The following NEMF variants were observed in gnomAD, a reference collection of about 807,000 sequenced individuals.
The protein encoded by NEMF is nuclear export mediator factor.
In NEMF, 89 loss-of-function variants were observed where a neutral mutation model predicts 162.2. The observed-to-expected ratio is 0.55, with a 90% CI of 0.46 to 0.65. NEMF has a LOEUF of 0.65. Ranked by LOEUF, NEMF falls within the 30% of genes least tolerant of loss-of-function variation. NEMF has a pLI of 0.00. For synonymous variants in NEMF, 421 were observed against 404.5 expected (o/e 1.04, Z -0.49); for missense variants, 1,133 against 1,261.9 (o/e 0.90, Z 1.55).
chr14:49,849,766 C>A (rs1893682014), intron 3 of NEMF: 1 of 152,136 alleles, frequency 6.6e-6, no homozygotes, highest in Admixed American at 6.6e-5. Context: ...AAATGAAATA[C>A]ATATTATTCA....
In NEMF at chr14:49,782,849, A is replaced by G; in HGVS notation, c.*1787T>C. ...TTTCAGGCTAAGCTTAGAAGCAGTC[A>G]TTTGCTTTAAAGAAATGTTAGCCAA... On this transcript the variant is annotated 3_prime_UTR_variant, in exon 33 of 33. Transcript: ENST00000298310. 6.2e-7 allele frequency: 1 copy of G among 1,613,820 alleles called. No individual in the cohort carries two copies. Among genetic ancestry groups the G allele is most frequent in the South Asian group, 1.1e-5 (1 of 91,042 alleles).
intron 16 of NEMF, among the ~76,000 whole-genome samples, chr14:49,816,458 C>A (rs1051000493): frequency 5.3e-5 from 8 of 152,208 alleles, no homozygotes; most frequent in Non-Finnish European, 1.2e-4. Flanking sequence ...TTGTGACCTA[C>A]TCCCTGTTCT....
chr14:49,804,996 C>T (rs1467074233), intron 19 of NEMF, among the ~76,000 whole-genome samples: 3 of 152,168 alleles, frequency 2.0e-5, no homozygotes, highest in Non-Finnish European at 4.4e-5. Context: ...CACCACTACA[C>T]TCCAGCCTGG....
chr14:49,797,803 C>T (rs1890760215), intron 25 of NEMF, among the ~76,000 whole-genome samples: 1 of 152,124 alleles, frequency 6.6e-6, no homozygotes, highest in African/African-American at 2.4e-5. Flanking sequence ...TAGAGCTAGT[C>T]CTCAAATAAC....
At chr14:49,784,779 A>G in intron 32 of NEMF, 66 bp from the exon 33 acceptor site, 6 of 1,483,474 alleles carry the variant, frequency 4.0e-6, no homozygotes, top group South Asian at 1.2e-5. Flanking sequence ...TTTTATGACA[A>G]AAACGAAAAA....
intron 12 of NEMF, 32 bp from the exon 13 acceptor site, chr14:49,829,294 T>C (rs1566691370): frequency 6.2e-7 from 1 of 1,612,956 alleles, no homozygotes; most frequent in Non-Finnish European, 8.5e-7. Context: ...ATTTACTACA[T>C]TGCCAGTTAA....
intron 25 of NEMF, among the ~76,000 whole-genome samples, chr14:49,796,879 C>A (rs1890717063): frequency 1.3e-5 from 2 of 152,168 alleles, no homozygotes; most frequent in South Asian, 4.1e-4. Flanking sequence ...CAAAGAAGCA[C>A]TCCCCTTTGT....
chr14:49,795,896 C>T lies in NEMF; in HGVS notation c.2514G>A (p.Ala838=), dbSNP rs140184181. Residue 838 remains alanine (A), a synonymous_variant, in exon 26 of 33, where the codon GCG becomes GCA. Transcript: ENST00000298310. ...KLPSDSGDLE[A]LEGKDKEKES... ...CTTTTTCTTTATCCTTTCCCTCTAA[C>T]GCTTCTAAATCTCCTGAGTCACTTG... 28 of 1,612,264 alleles carry T rather than the reference C, an allele frequency of 1.7e-5. No homozygotes were observed. Among genetic ancestry groups the T allele is most frequent in the African/African-American group, 4.0e-5 (3 of 74,800 alleles).
rs996743306 is a variant in NEMF, at chr14:49,782,967, A to G, written c.*1669T>C. ...TCTGGATCTTAAGGCTTCATAAATA[A>G]TGCCTATGATCACCTTGCATGGACA... On this transcript the variant is annotated 3_prime_UTR_variant, in exon 33 of 33. Transcript: ENST00000298310. 1.2e-6 allele frequency: 2 copies of G among 1,609,562 alleles called. No individual in the cohort carries two copies. The highest frequency in any genetic ancestry group is 1.7e-6 in the Non-Finnish European group (2 of 1,178,110).
intron 26 of NEMF, among the ~76,000 whole-genome samples, chr14:49,794,578 C>G (rs186171632): frequency 1.5e-3 from 227 of 147,156 alleles, no homozygotes; most frequent in African/African-American, 5.4e-3. Flanking sequence ...TGTAAATAGC[C>G]ACTACACTCC....
chr14:49,831,383 T>G, intron 10 of NEMF, 22 bp from the exon 11 acceptor site: 1 of 1,490,548 alleles, frequency 6.7e-7, no homozygotes, highest in Non-Finnish European at 9.3e-7. Context: ...AACAAACAAC[T>G]AGTTGGAAAA....
Position 49,829,121 on chromosome 14 carries a change from C to G in NEMF, c.1165G>C (p.Gly389Arg). 1.2e-6 allele frequency: 2 copies of G among 1,614,146 alleles called. No homozygotes were observed. Among genetic ancestry groups the G allele is most frequent in the Non-Finnish European group, 1.7e-6 (2 of 1,180,018 alleles). The change falls in exon 13 of 33, where the codon GGA becomes CGA. Residue 389 changes from glycine (G) to arginine (R), a missense_variant. By Grantham distance (125) the Gly-to-Arg change is moderately radical. Around this residue, in one of 3 missense-constraint regions of NEMF, gnomAD observed 582 missense variants for 631.5 expected, o/e 0.92. Coordinates refer to ENST00000298310, the MANE Select transcript of NEMF (RefSeq NM_004713.6). ...GLIVKEAQAQ[G>R]DPVASAIKEL... ...TTGATTGCACTTGCAACAGGGTCTCCTTGAGCCTGGGCTTCTTTCACAATT... is the reference window on the plus strand; with the variant it reads ...TTGATTGCACTTGCAACAGGGTCTCGTTGAGCCTGGGCTTCTTTCACAATT...
intron 14 of NEMF, 94 bp downstream of exon 14, chr14:49,828,522 G>T: frequency 1.8e-6 from 2 of 1,110,004 alleles, no homozygotes; most frequent in Non-Finnish European, 2.6e-6. Context: ...AAGTATGCAT[G>T]TACAAGTGAA....
rs1168971949 is a variant in NEMF at position 49,829,246 on chromosome 14, T to C, written c.1040A>G (p.Lys347Arg). The C allele has an allele frequency of 6.2e-7, 1 of 1,614,020 alleles. No individual in the cohort carries two copies. Among genetic ancestry groups the C allele is most frequent in the Non-Finnish European group, 8.5e-7 (1 of 1,180,008 alleles). Reference sequence around the variant, plus strand: ...TAGGTTCATTTCTATGAGCTCTCCTTTCAGTTTGTCTATTTCCTTAAAAAA... The same window carrying C: ...TAGGTTCATTTCTATGAGCTCTCCTCTCAGTTTGTCTATTTCCTTAAAAAA... ...LQQAQEIDKLKGELIEMNLQI... is the reference protein window; with the variant it reads ...LQQAQEIDKLRGELIEMNLQI... Residue 347 changes from lysine (K) to arginine (R), a missense_variant, in exon 13 of 33, where the codon AAA becomes AGA. Physicochemically the swap from Lys to Arg is conservative, Grantham distance 26 (BLOSUM62 2). Around this residue, in one of 3 missense-constraint regions of NEMF, gnomAD observed 582 missense variants for 631.5 expected, o/e 0.92. Transcript: ENST00000298310.
At chr14:49,847,137 G>C (rs899887854) in intron 3 of NEMF, among the ~76,000 whole-genome samples, 1 of 151,942 alleles carries the variant, frequency 6.6e-6, no homozygotes, top group African/African-American at 2.4e-5. Flanking sequence ...GCCCACCTCA[G>C]CCTCCCAAAG....
At chr14:49,794,359 T>C (rs1890588355) in intron 26 of NEMF, among the ~76,000 whole-genome samples, 1 of 152,172 alleles carries the variant, frequency 6.6e-6, no homozygotes, top group South Asian at 2.1e-4. Flanking sequence ...GAGTCTTCCC[T>C]TCCTTATGCA....
At chr14:49,789,619 A>T in intron 26 of NEMF, 46 bp from the exon 27 acceptor site, 1 of 1,585,512 alleles carries the variant, frequency 6.3e-7, no homozygotes, top group Non-Finnish European at 8.5e-7. Context: ...GCAGCAAAAA[A>T]ATGTCAACAA....
At chr14:49,834,085 T>C (rs1437471580) in intron 7 of NEMF, 4 of 528,428 alleles carry the variant, frequency 7.6e-6, no homozygotes, top group South Asian at 3.2e-5. Context: ...AGAGTGGTGA[T>C]ACTTGTTTTT....
chr14:49,847,230 C>T (rs184272934), intron 3 of NEMF, among the ~76,000 whole-genome samples: 4 of 151,916 alleles, frequency 2.6e-5, no homozygotes, highest in African/African-American at 9.7e-5. Context: ...GAGACGGAGT[C>T]TCACTTTGTC....
Sources: allele counts gnomAD v4.1 joint callset (sites outside exome capture counted in the v4.1 genomes callset), GRCh38; gene constraint gnomAD v4.1.1; regional missense constraint gnomAD v4.1.1; transcripts MANE v1.5; gene names NCBI Gene and HGNC (gene_info 2026-07-23, HGNC 2026-07-21).